Variants in RBM6 observed in about 807,000 individuals in gnomAD.
The protein encoded by RBM6 is RNA-binding protein 6.
In RBM6, 23 loss-of-function variants were observed where a neutral mutation model predicts 140.4. The ratio of observed to expected loss-of-function variants is 0.16; its 90% CI spans 0.12 to 0.23. The LOEUF is 0.23. Ranked by LOEUF, RBM6 falls within the 10% of genes least tolerant of loss-of-function variation. The pLI, the probability that RBM6 is intolerant of heterozygous loss-of-function variation, is 1.00. For synonymous variants in RBM6, 439 were observed against 475.6 expected (o/e 0.92, Z 1.00); for missense variants, 1,139 against 1,386.7 (o/e 0.82, Z 2.84).
intron 1 of RBM6, among the ~76,000 whole-genome samples, chr3:49,956,000 A>ATT (rs753593029): frequency 7.3e-6 from 1 of 137,912 alleles, no homozygotes; most frequent in Non-Finnish European, 1.6e-5. Context: ...TGTTTAGCTG[A>ATT]TTTTTTTTTT....
intron 6 of RBM6, among the ~76,000 whole-genome samples, chr3:50,015,046 CAAAAAA>C (rs71080566): frequency 3.8e-5 from 2 of 52,858 alleles, no homozygotes; most frequent in African/African-American, 8.5e-5. Context: ...GAGACTGTCT[CAAAAAA>C]AAAAAAAAAA....
chr3:50,018,256 T>C (rs1183888967), intron 6 of RBM6, among the ~76,000 whole-genome samples: 3 of 152,238 alleles, frequency 2.0e-5, no homozygotes, highest in African/African-American at 7.2e-5. Flanking sequence ...CAGAATTTTA[T>C]ATAGTTGGAA....
chr3:50,019,918 AT>A lies in RBM6; in HGVS notation c.1557+20422del, dbSNP rs745603311. ...TCGATGTGATGGATTACATTAATTG[AT>A]TTTTTTTTTTTTTTTTAGATGCAGG... On this transcript the variant is annotated intron_variant, in intron 6 of 20. Transcript: ENST00000266022. Among the ~76,000 whole-genome samples, 1,097 of 135,964 alleles carry A rather than the reference AT, an allele frequency of 8.1e-3. 2 individuals carry two copies. Among genetic ancestry groups the A allele is most frequent in the Admixed American group, 7.5e-3 (100 of 13,414 alleles). The allele number at this position is 135,964 out of a possible 152,430, so 89.2% of individuals were successfully genotyped here.
rs1350957990 is a variant in RBM6, at chr3:49,975,266, G to C, written c.1414-57G>C. On this transcript the variant is annotated intron_variant, in intron 4 of 20. Coordinates refer to ENST00000266022, the MANE Select transcript of RBM6 (RefSeq NM_005777.3). Reference sequence around the variant, plus strand: ...TGATAAAAACTGTTAGGGAAAATCTGATATTCAGTGTTTGATTATGATTTG... The same window carrying C: ...TGATAAAAACTGTTAGGGAAAATCTCATATTCAGTGTTTGATTATGATTTG... 6 of 1,368,784 alleles carry C rather than the reference G, an allele frequency of 4.4e-6. No homozygotes were observed. In the East Asian group the frequency reaches 1.4e-4, roughly 31 times the overall value. The allele number at this position is 1,368,784 out of a possible 1,614,324, so 84.8% of individuals were successfully genotyped here.
At chr3:49,954,870 T>C (rs1343820311) in intron 1 of RBM6, among the ~76,000 whole-genome samples, 1 of 151,720 alleles carries the variant, frequency 6.6e-6, no homozygotes, top group African/African-American at 2.4e-5. Context: ...ACCATTCTCC[T>C]GCCTCAGCCT....
chr3:49,959,853 T>C (rs554722899), intron 1 of RBM6, among the ~76,000 whole-genome samples: 2 of 152,298 alleles, frequency 1.3e-5, no homozygotes, highest in East Asian at 3.9e-4. Context: ...ATTACAGACA[T>C]GAGCCCCCAC....
chr3:50,054,135 T>C, intron 7 of RBM6, 200 bp from the exon 8 acceptor site: 9 of 519,032 alleles, frequency 1.7e-5, no homozygotes, highest in Non-Finnish European at 1.4e-5. Flanking sequence ...TGCCTTGTTA[T>C]AAGGTAGCTC....
intron 1 of RBM6, among the ~76,000 whole-genome samples, chr3:49,958,288 G>C (rs944164992): frequency 6.7e-6 from 1 of 150,202 alleles, no homozygotes; most frequent in Non-Finnish European, 1.5e-5. Flanking sequence ...GGGTGCGGTG[G>C]CTCACGCCTG....
At chr3:49,973,358 C>T (rs966771502) in intron 4 of RBM6, among the ~76,000 whole-genome samples, 1 of 151,952 alleles carries the variant, frequency 6.6e-6, no homozygotes, top group Non-Finnish European at 1.5e-5. Flanking sequence ...GGCTTGAATG[C>T]CGTGAGAGAA....
At chr3:50,043,754 T>C (rs1315334792) in intron 6 of RBM6, among the ~76,000 whole-genome samples, 1 of 151,778 alleles carries the variant, frequency 6.6e-6, no homozygotes, top group East Asian at 2.0e-4. Flanking sequence ...CAGCTCACTT[T>C]TGTATTTTTA....
intron 8 of RBM6, 51 bp downstream of exon 8, chr3:50,054,446 A>C (rs1313466282): frequency 7.0e-7 from 1 of 1,429,022 alleles, no homozygotes; most frequent in African/African-American, 1.4e-5. Context: ...GAGCAAAACA[A>C]ATTTCATGTT....
chr3:50,042,332 C>T (rs1367724219), intron 6 of RBM6, among the ~76,000 whole-genome samples: 1 of 152,192 alleles, frequency 6.6e-6, no homozygotes, highest in Non-Finnish European at 1.5e-5. Flanking sequence ...TTTCTCAGTA[C>T]AAAGTATAAC....
chr3:50,052,986 G>GGTGT (rs57244510), intron 7 of RBM6, among the ~76,000 whole-genome samples: 1,879 of 134,714 alleles, frequency 0.014, 17 homozygotes, highest in Middle Eastern at 0.023. Context: ...AGTGGGCAGG[G>GGTGT]GTGTGTGTGT....
intron 1 of RBM6, among the ~76,000 whole-genome samples, chr3:49,943,768 A>T (rs1213911550): frequency 6.6e-6 from 1 of 152,084 alleles, no homozygotes; most frequent in Non-Finnish European, 1.5e-5. Flanking sequence ...CTTGGTTATT[A>T]TATGTTTAGC....
intron 1 of RBM6, among the ~76,000 whole-genome samples, chr3:49,958,750 CA>C (rs555958313): frequency 1.8e-3 from 183 of 99,344 alleles, no homozygotes; most frequent in Admixed American, 2.3e-3. Flanking sequence ...GACTCCATTT[CA>C]AAAAAAAAAA....
Position 50,057,992 on chromosome 3 carries a change from G to T in RBM6, c.1958G>T (p.Gly653Val). The T allele has an allele frequency of 6.2e-7, 1 of 1,613,362 alleles. No homozygotes were observed. The highest frequency in any genetic ancestry group is 8.5e-7 in the Non-Finnish European group (1 of 1,179,882). Residue 653 changes from glycine to valine, a missense_variant, in exon 9 of 21, where the codon GGA becomes GTA. Gly to Val is a moderately radical substitution (Grantham distance 109). Coordinates refer to ENST00000266022, the MANE Select transcript of RBM6 (RefSeq NM_005777.3). ...TGGTCTGGAGAGACACGCCAGGATG[G>T]AGAGAGCAAAAGTAAGTAGTTTGTC... ...ESWSGETRQD[G>V]ESKTIMLKRI... is the part of the protein sequence containing the mutation.
intron 5 of RBM6, among the ~76,000 whole-genome samples, chr3:49,997,641 T>G (rs2086148474): frequency 6.6e-6 from 1 of 152,240 alleles, no homozygotes. Flanking sequence ...GTTTGTTCCA[T>G]GGCTAACCCT....
intron 6 of RBM6, among the ~76,000 whole-genome samples, chr3:50,007,111 C>T (rs1035437616): frequency 1.2e-4 from 18 of 150,796 alleles, no homozygotes; most frequent in African/African-American, 4.1e-4. Context: ...TTTTTTTTTT[C>T]CCATCAACAA....
At chr3:50,028,189 T>C (rs2087946074) in intron 6 of RBM6, among the ~76,000 whole-genome samples, 1 of 152,198 alleles carries the variant, frequency 6.6e-6, no homozygotes, top group African/African-American at 2.4e-5. Context: ...AGCAGTCTTC[T>C]TCCTTCCATT....
Sources: gnomAD v4.1 joint callset for allele counts (sites outside exome capture counted in the v4.1 genomes callset) on GRCh38, gnomAD v4.1.1 for gene constraint, MANE v1.5 for transcripts, NCBI Gene and HGNC (gene_info 2026-07-23, HGNC 2026-07-21) for gene names.